FRK: variants seen among roughly 807,000 people sequenced by gnomAD.
FRK encodes tyrosine-protein kinase FRK.
Under a neutral mutation model 56.4 loss-of-function variants are expected in FRK, and 51 were observed. That is an observed-to-expected ratio of 0.90 (90% CI 0.72 to 1.14). The LOEUF is 1.14. Among genes scored for constraint, FRK ranks in the 50% most tolerant of loss-of-function variants. FRK has a pLI of 0.00. For missense variants in FRK, 570 were observed against 601.4 expected (o/e 0.95, Z 0.55); for synonymous variants, 245 against 217.9 (o/e 1.12, Z -1.10).
Position 116,060,307 on chromosome 6 carries a change from C to T in FRK, c.5G>A (p.Ser2Asn), listed in dbSNP as rs202027495. The change falls in exon 1 of 8, where the codon AGC (serine) becomes AAC (asparagine). Residue 2 changes from serine (S) to asparagine (N), a missense_variant. Coordinates refer to ENST00000606080, the MANE Select transcript of FRK (RefSeq NM_002031.3). M[S>N]NICQRLWEYL... ...CTCCCAGAGCCTCTGACAGATGTTG[C>T]TCATTGTGCCTTGGTGGGGAGAAGA... 5.5e-5 allele frequency: 89 copies of T among 1,611,984 alleles called. No homozygotes were observed. In the Admixed American group the frequency reaches 1.4e-3, roughly 25 times the overall value.
In FRK at chr6:115,932,606, A is replaced by T. The variant is rs1411407335; in HGVS notation, c.*9808T>A. On this transcript the variant is annotated 3_prime_UTR_variant, in exon 8 of 8. Coordinates refer to ENST00000606080, the MANE Select transcript of FRK (RefSeq NM_002031.3). ...TAGCTCACATAATGTGTCTTTTTAA[A>T]GAATCATAATGAGTCACCAATGACA... 1 of 152,224 alleles carries T rather than the reference A, an allele frequency of 6.6e-6. No individual in the cohort carries two copies. Among genetic ancestry groups the T allele is most frequent in the Non-Finnish European group, 1.5e-5 (1 of 68,048 alleles). 9.4% of individuals were successfully genotyped at this position (152,224 alleles called of 1,614,324 possible).
At chr6:116,033,658 A>C (rs1199932393) in intron 1 of FRK, among the ~76,000 whole-genome samples, 5 of 152,152 alleles carry the variant, frequency 3.3e-5, no homozygotes, top group Non-Finnish European at 5.9e-5. Flanking sequence ...TGATGGTGTA[A>C]ATGAGAGATA....
chr6:116,078,910 T>G, the FRK span, among the ~76,000 whole-genome samples: 1 of 152,222 alleles, frequency 6.6e-6, no homozygotes, highest in East Asian at 1.9e-4. Flanking sequence ...TGGCCCCTTT[T>G]GCTTAGCATT....
intron 2 of FRK, among the ~76,000 whole-genome samples, chr6:115,992,864 C>A (rs1350480760): frequency 6.6e-6 from 1 of 151,784 alleles, no homozygotes; most frequent in African/African-American, 2.4e-5. Flanking sequence ...CTATTGAAGG[C>A]TTTTGACTCT....
chr6:115,950,212 C>G (rs1000767848), intron 5 of FRK, among the ~76,000 whole-genome samples: 8 of 152,168 alleles, frequency 5.3e-5, no homozygotes, highest in Non-Finnish European at 1.0e-4. Flanking sequence ...AGCTCCTGCA[C>G]AGCAAAAGAA....
At position 115,942,422 on chromosome 6, in the gene FRK, T is replaced by G; in HGVS notation, c.1510A>C (p.Ile504Leu). 1.2e-6 allele frequency: 2 copies of G among 1,610,592 alleles called. No homozygotes were observed. The highest frequency in any genetic ancestry group is 2.2e-5 in the South Asian group (2 of 90,972). ...DSSYSDANNFIR is the reference protein window; with the variant it reads ...DSSYSDANNFLR ...ATATTCTTCTCCAGTGTTCATCTTA[T>G]GAAGTTATTTGCATCTGAATATGAA... Residue 504 changes from isoleucine (I) to leucine (L), a missense_variant, in exon 8 of 8, where the codon ATA (isoleucine) becomes CTA (leucine). By Grantham distance (5) the Ile-to-Leu change is conservative. Coordinates refer to ENST00000606080, the MANE Select transcript of FRK (RefSeq NM_002031.3).
At chr6:116,090,205 T>C in the FRK span, among the ~76,000 whole-genome samples, 3 of 152,196 alleles carry the variant, frequency 2.0e-5, no homozygotes, top group Non-Finnish European at 4.4e-5. Context: ...TTAAATCCCT[T>C]GCACAGGAAA....
Position 116,059,956 on chromosome 6 carries a change from T to C in FRK, c.344+12A>G, listed in dbSNP as rs1372342300. Reference sequence around the variant, plus strand: ...AGAGTTCAGAAATTAAGTATAAGTTTGTACTACTCACGGCTCTGCCTGTAG... The same window carrying C: ...AGAGTTCAGAAATTAAGTATAAGTTCGTACTACTCACGGCTCTGCCTGTAG... On this transcript the variant is annotated intron_variant, in intron 1 of 7. Transcript: ENST00000606080. The C allele has an allele frequency of 6.2e-7, 1 of 1,603,818 alleles. No individual in the cohort carries two copies. Among genetic ancestry groups the C allele is most frequent in the African/African-American group, 1.3e-5 (1 of 74,592 alleles).
intron 1 of FRK, among the ~76,000 whole-genome samples, chr6:116,009,364 G>A (rs1415936556): frequency 2.6e-5 from 4 of 152,182 alleles, no homozygotes; most frequent in Non-Finnish European, 5.9e-5. Context: ...CTCTGGGGGT[G>A]GGCCCAACAA....
intron 4 of FRK, among the ~76,000 whole-genome samples, chr6:115,966,049 ATAAAAAAAAAAT>A (rs1266903031): frequency 2.3e-4 from 1 of 4,260 alleles, no homozygotes; most frequent in African/African-American, 5.2e-4. Context: ...TTAAAGTATA[ATAAAAAAAAAAT>A]TAAAAAAAAA....
chr6:115,992,508 T>C (rs1476340844), intron 2 of FRK, among the ~76,000 whole-genome samples: 1 of 151,700 alleles, frequency 6.6e-6, no homozygotes, highest in Non-Finnish European at 1.5e-5. Context: ...TTTCTCCAAA[T>C]AGTTTTGAAA....
At chr6:115,971,789 G>A (rs748878730) in intron 2 of FRK, among the ~76,000 whole-genome samples, 7 of 152,156 alleles carry the variant, frequency 4.6e-5, no homozygotes, top group African/African-American at 1.4e-4. Flanking sequence ...GGTCTGGCCC[G>A]CTTCAGGCAA....
At position 116,015,626 on chromosome 6, in the gene FRK, C is replaced by T. The variant is rs541054239; in HGVS notation, c.345-11628G>A. Among the ~76,000 whole-genome samples the T allele has an allele frequency of 8.5e-5, 13 of 152,268 alleles. No homozygotes were observed. The South Asian group carries it at 2.7e-3, about 32-fold the overall frequency. ...TGGAACTTCCTAGACACTTGTTGAA[C>T]AGTTTTGATCAAAATGCTGATAGTA... On this transcript the variant is annotated intron_variant, in intron 1 of 7. Coordinates refer to ENST00000606080, the MANE Select transcript of FRK (RefSeq NM_002031.3).
the FRK span, among the ~76,000 whole-genome samples, chr6:116,092,900 A>G: frequency 6.6e-6 from 1 of 152,152 alleles, no homozygotes; most frequent in Admixed American, 6.5e-5. Flanking sequence ...TTGACCCACA[A>G]ACCCTGAAAA....
intron 1 of FRK, among the ~76,000 whole-genome samples, chr6:116,025,300 C>T (rs1037397174): frequency 3.9e-5 from 6 of 152,042 alleles, no homozygotes; most frequent in African/African-American, 9.7e-5. Context: ...ATCTAATTGG[C>T]AATATTTGTT....
At chr6:115,973,541 G>C (rs745999277) in intron 2 of FRK, among the ~76,000 whole-genome samples, 17 of 152,090 alleles carry the variant, frequency 1.1e-4, no homozygotes, top group Non-Finnish European at 1.8e-4. Flanking sequence ...ATGTATCCCA[G>C]AACTTAAAGT....
intron 4 of FRK, among the ~76,000 whole-genome samples, chr6:115,957,004 C>T (rs1773024794): frequency 6.6e-6 from 1 of 152,186 alleles, no homozygotes; most frequent in Admixed American, 6.5e-5. Context: ...CTGATACCTG[C>T]CCTGTCCTTG....
intron 1 of FRK, chr6:116,038,712 C>T: frequency 2.4e-6 from 1 of 424,276 alleles, no homozygotes; most frequent in Non-Finnish European, 4.6e-6. Context: ...CCTAGAAAAT[C>T]ACTGAAGGCT....
In FRK at chr6:115,937,565, T is replaced by A. The variant is rs1562243963; in HGVS notation, c.*4849A>T. On this transcript the variant is annotated 3_prime_UTR_variant, in exon 8 of 8. Transcript: ENST00000606080. ...AGACTCAAGACCCATCAGTGTGCTG[T>A]ATTCAGGAGACCCATCTCACATGCA... 6.6e-6 allele frequency: 1 copy of A among 152,052 alleles called. No homozygotes were observed. Among genetic ancestry groups the A allele is most frequent in the East Asian group, 1.9e-4 (1 of 5,188 alleles). 9.4% of individuals were successfully genotyped at this position (152,052 alleles called of 1,614,324 possible).
Sources: gnomAD v4.1 joint callset for allele counts (sites outside exome capture counted in the v4.1 genomes callset) on GRCh38, gnomAD v4.1.1 for gene constraint, MANE v1.5 for transcripts, NCBI Gene and HGNC (gene_info 2026-07-23, HGNC 2026-07-21) for gene names.